Variants in TIMP3 observed in about 807,000 individuals in gnomAD.
The protein encoded by TIMP3 is TIMP metallopeptidase inhibitor 3.
In TIMP3, 11 loss-of-function variants were observed where a neutral mutation model predicts 30.0. The ratio of observed to expected loss-of-function variants is 0.37; its 90% CI spans 0.23 to 0.61. The LOEUF (loss-of-function observed/expected upper bound fraction) is 0.61. Ranked by LOEUF, TIMP3 falls within the 20% of genes least tolerant of loss-of-function variation. TIMP3 has a pLI of 0.70. For synonymous variants in TIMP3, 112 were observed against 111.3 expected, an observed-to-expected ratio of 1.01 and a Z score of -0.04; for missense variants, 181 against 276.8, an observed-to-expected ratio of 0.65 and a Z score of 2.45.
At chr22:32,806,198 G>A (rs550911286) in intron 1 of TIMP3, among the ~76,000 whole-genome samples, 7 of 152,194 alleles carry the variant, frequency 4.6e-5, no homozygotes, top group Non-Finnish European at 8.8e-5. Context: ...GGAAAGCCAG[G>A]GGGAGTCAGG....
chr22:32,813,274 T>C (rs2046961620), intron 1 of TIMP3, among the ~76,000 whole-genome samples: 1 of 152,162 alleles, frequency 6.6e-6, no homozygotes, highest in Admixed American at 6.5e-5. Context: ...GCAAGTGTGA[T>C]GATAAACAGC....
At chr22:32,833,920 A>C (rs982012662) in intron 1 of TIMP3, 1 of 495,400 alleles carries the variant, frequency 2.0e-6, no homozygotes, top group Non-Finnish European at 4.0e-6. Context: ...TTAGTATTGT[A>C]ATCATTGACA....
chr22:32,861,535 A>T lies in TIMP3; in HGVS notation c.*2158A>T, dbSNP rs1314181870. The T allele has an allele frequency of 6.6e-6, 1 of 152,364 alleles. No individual in the cohort carries two copies. The highest frequency in any genetic ancestry group is 1.5e-5 in the Non-Finnish European group (1 of 68,034). The allele number at this position is 152,364 out of a possible 1,614,324, so 9.4% of individuals were successfully genotyped here. Reference sequence around the variant, plus strand: ...AAGTTCCCTCCCACAAGTGGACATCAGTGTCTTCTCTGTGAGGCATCTGGC... The same window carrying T: ...AAGTTCCCTCCCACAAGTGGACATCTGTGTCTTCTCTGTGAGGCATCTGGC... On this transcript the variant is annotated 3_prime_UTR_variant, in exon 5 of 5. Coordinates refer to ENST00000266085, the MANE Select transcript of TIMP3 (RefSeq NM_000362.5).
intron 2 of TIMP3, among the ~76,000 whole-genome samples, chr22:32,853,174 C>T (rs1271186317): frequency 2.0e-5 from 3 of 152,206 alleles, no homozygotes; most frequent in Admixed American, 6.5e-5. Flanking sequence ...CCACAGGGAA[C>T]CATTCTTCTT....
At position 32,825,657 on chromosome 22, in the gene TIMP3, CAAAAAAAAAAAAAAAAAAAAA is replaced by C. The variant is rs130292; in HGVS notation, c.121+23555_121+23575del. Among the ~76,000 whole-genome samples the C allele has an allele frequency of 3.5e-4, 10 of 28,560 alleles. 1 individual carries two copies. Among genetic ancestry groups the C allele is most frequent in the Admixed American group, 2.8e-3 (4 of 1,424 alleles). 18.7% of individuals were successfully genotyped at this position (28,560 alleles called of 152,430 possible). ...TGGGCGACAGAGCGAGTTTCCATCT[CAAAAAAAAAAAAAAAAAAAAA>C]AAAAAAAAAAAAAAAAAAAGATGTG... On this transcript the variant is annotated intron_variant, in intron 1 of 4. Coordinates refer to ENST00000266085, the MANE Select transcript of TIMP3 (RefSeq NM_000362.5).
intron 3 of TIMP3, among the ~76,000 whole-genome samples, chr22:32,857,700 G>A (rs2048410112): frequency 6.6e-6 from 1 of 152,200 alleles, no homozygotes; most frequent in Admixed American, 6.5e-5. Context: ...TAGGCAGTCA[G>A]TGTAGTAAAG....
At chr22:32,826,063 A>G (rs1467534490) in intron 1 of TIMP3, among the ~76,000 whole-genome samples, 1 of 152,222 alleles carries the variant, frequency 6.6e-6, no homozygotes, top group Non-Finnish European at 1.5e-5. Flanking sequence ...ATTATTTTAT[A>G]GGTTTTTGTT....
At chr22:32,820,774 A>G (rs130287) in intron 1 of TIMP3, among the ~76,000 whole-genome samples, 24,006 of 152,150 alleles carry the variant, frequency 0.16, 2,444 homozygotes, top group East Asian at 0.33. Context: ...ACTCATACCT[A>G]TTTGAAAGCC....
At chr22:32,832,037 TTGAATGTGCAGC>T (rs1203424079) in intron 1 of TIMP3, among the ~76,000 whole-genome samples, 1 of 152,044 alleles carries the variant, frequency 6.6e-6, no homozygotes, top group Admixed American at 6.6e-5. Flanking sequence ...CCCTCTCAGT[TTGAATGTGCAGC>T]TGATGGACCA....
chr22:32,857,901 T>C (rs1017602032), intron 3 of TIMP3, 116 bp from the exon 4 acceptor site: 8 of 1,520,430 alleles, frequency 5.3e-6, no homozygotes, highest in African/African-American at 1.4e-5. Flanking sequence ...ATCATGGGTC[T>C]GAAAAGTACC....
chr22:32,853,000 G>A (rs1280262735), intron 2 of TIMP3, among the ~76,000 whole-genome samples: 3 of 152,222 alleles, frequency 2.0e-5, no homozygotes, highest in Admixed American at 1.3e-4. Context: ...CTGGTCCTGG[G>A]AGGGTCCCAT....
intron 1 of TIMP3, among the ~76,000 whole-genome samples, chr22:32,839,105 G>C (rs2047819588): frequency 6.6e-6 from 1 of 151,920 alleles, no homozygotes; most frequent in African/African-American, 2.4e-5. Flanking sequence ...TTCTCACCTA[G>C]GCAAGGGGCA....
At chr22:32,822,015 C>T (rs974088114) in intron 1 of TIMP3, among the ~76,000 whole-genome samples, 4 of 152,078 alleles carry the variant, frequency 2.6e-5, no homozygotes, top group African/African-American at 4.8e-5. Flanking sequence ...ATTAGCCGGG[C>T]GTGGTGGCGC....
intron 1 of TIMP3, among the ~76,000 whole-genome samples, chr22:32,807,971 G>T (rs2046811412): frequency 6.6e-6 from 1 of 152,074 alleles, no homozygotes; most frequent in East Asian, 1.9e-4. Context: ...GACTTACTGA[G>T]TGTTTTTTTT....
intron 1 of TIMP3, among the ~76,000 whole-genome samples, chr22:32,810,624 ATCCC>A (rs1294720248): frequency 6.0e-4 from 91 of 152,316 alleles, no homozygotes; most frequent in African/African-American, 2.1e-3. Flanking sequence ...CATGGTAATT[ATCCC>A]CTCTGCCTCT....
intron 1 of TIMP3, among the ~76,000 whole-genome samples, chr22:32,815,295 A>G (rs1376348112): frequency 2.0e-5 from 3 of 152,228 alleles, no homozygotes; most frequent in East Asian, 1.9e-4. Flanking sequence ...CAGGGAACCC[A>G]TGTGCGGTGA....
chr22:32,818,000 A>G (rs2047132629), intron 1 of TIMP3, among the ~76,000 whole-genome samples: 1 of 152,234 alleles, frequency 6.6e-6, no homozygotes, highest in Non-Finnish European at 1.5e-5. Flanking sequence ...CTATGCATAC[A>G]AATTTCAAGA....
chr22:32,806,493 T>C (rs2046740602), intron 1 of TIMP3, among the ~76,000 whole-genome samples: 1 of 152,166 alleles, frequency 6.6e-6, no homozygotes, highest in Admixed American at 6.5e-5. Context: ...CCTTTTGTCA[T>C]AGTCTACTCC....
intron 1 of TIMP3, among the ~76,000 whole-genome samples, chr22:32,826,257 CA>C (rs2146096361): frequency 6.6e-6 from 1 of 152,102 alleles, no homozygotes; most frequent in Non-Finnish European, 1.5e-5. Flanking sequence ...GGTGAAACTC[CA>C]TCTCTACTAA....
Sources: gnomAD v4.1 joint callset for allele counts (sites outside exome capture counted in the v4.1 genomes callset) on GRCh38, gnomAD v4.1.1 for gene constraint, MANE v1.5 for transcripts, NCBI Gene and HGNC (gene_info 2026-07-23, HGNC 2026-07-21) for gene names.